The following ANK1 variants were observed in gnomAD, a reference collection of about 807,000 sequenced individuals.
ANK1 encodes ankyrin 1.
In ANK1, 51 loss-of-function variants were observed where a neutral mutation model predicts 210.4. That is an observed-to-expected ratio of 0.24 (90% CI 0.19 to 0.31). The LOEUF (loss-of-function observed/expected upper bound fraction) is 0.31, where lower values mean the gene tolerates loss of function less well. Among genes scored for constraint, ANK1 ranks in the 10% least tolerant of loss-of-function variants. The pLI, the probability that ANK1 is intolerant of heterozygous loss-of-function variation, is 1.00. For missense variants in ANK1, 2,051 were observed against 2,504.4 expected, an observed-to-expected ratio of 0.82 and a Z score of 3.86; for synonymous variants, 967 against 1,025.9, an observed-to-expected ratio of 0.94 and a Z score of 1.10.
intron 2 of ANK1, among the ~76,000 whole-genome samples, chr8:41,738,894 C>T (rs2150681230): frequency 6.6e-6 from 1 of 152,252 alleles, no homozygotes; most frequent in Non-Finnish European, 1.5e-5. Context: ...TTTCTTCCCT[C>T]AAATAACAGG....
rs1816983454 is a variant in ANK1, at chr8:41,878,405, G to A, written c.126+17950C>T. ...GTGGAAGGAACAGGAGTAGCCGGCT[G>A]ACCTGGCCTCACCAGAAACCACATG... On this transcript the variant is annotated intron_variant, in intron 1 of 42. Coordinates refer to the ANK1 transcript ENST00000265709. Among the ~76,000 whole-genome samples, 3 of 152,212 alleles carry A rather than the reference G, an allele frequency of 2.0e-5. No individual in the cohort carries two copies. The South Asian group carries it at 6.2e-4, about 31-fold the overall frequency.
intron 1 of ANK1, among the ~76,000 whole-genome samples, chr8:41,832,932 C>T (rs533967345): frequency 2.6e-5 from 4 of 152,298 alleles, no homozygotes; most frequent in Admixed American, 6.5e-5. Flanking sequence ...CTTCTTGGCT[C>T]ATCTCCTGGG....
At chr8:41,658,798 C>G (rs1040930460) in intron 42 of ANK1, among the ~76,000 whole-genome samples, 4 of 152,142 alleles carry the variant, frequency 2.6e-5, no homozygotes, top group Non-Finnish European at 5.9e-5. Flanking sequence ...GAGGCTGAGG[C>G]AGGAAGATCA....
At chr8:41,666,235 C>T (rs1810514046) in intron 39 of ANK1, among the ~76,000 whole-genome samples, 1 of 143,272 alleles carries the variant, frequency 7.0e-6, no homozygotes, top group Admixed American at 7.1e-5. Context: ...ATGATAATGG[C>T]AAACGCTTGT....
intron 22 of ANK1, chr8:41,700,324 G>C: frequency 7.9e-7 from 1 of 1,265,316 alleles, no homozygotes; most frequent in Non-Finnish European, 1.1e-6. Flanking sequence ...CTTATTAGCT[G>C]TCAGAGGAAG....
At chr8:41,659,714 AC>A (rs1053292294) in intron 42 of ANK1, among the ~76,000 whole-genome samples, 2 of 78,812 alleles carry the variant, frequency 2.5e-5, no homozygotes, top group Non-Finnish European at 5.3e-5. Context: ...CCCCCCTGCC[AC>A]CCTCACACTT....
intron 1 of ANK1, among the ~76,000 whole-genome samples, chr8:41,778,763 T>A (rs1227922203): frequency 6.6e-6 from 1 of 152,194 alleles, no homozygotes; most frequent in Non-Finnish European, 1.5e-5. Flanking sequence ...TCACAAAGAT[T>A]TTATACAAAG....
chr8:41,753,774 G>A (rs74686524), intron 2 of ANK1, among the ~76,000 whole-genome samples: 1 of 151,098 alleles, frequency 6.6e-6, no homozygotes. Context: ...TGTGACTCTC[G>A]CCCCTACCTG....
In ANK1 at chr8:41,702,155, A is replaced by C; in HGVS notation, c.2296-11T>G. 6.2e-7 allele frequency: 1 copy of C among 1,612,296 alleles called. No individual in the cohort carries two copies. The highest frequency in any genetic ancestry group is 8.5e-7 in the Non-Finnish European group (1 of 1,178,520). ...AGGTGTGGTTCCATCCTGGGGAAAG[A>C]GCAGCCCGGGTGCAGTCAGACAGGG... On this transcript the variant is annotated splice_polypyrimidine_tract_variant and intron_variant, in intron 20 of 42. Coordinates refer to ENST00000289734, the MANE Select transcript of ANK1 (RefSeq NM_000037.4).
intron 11 of ANK1, 24 bp from the exon 12 acceptor site, chr8:41,717,726 C>T (rs143949303): frequency 2.4e-4 from 368 of 1,535,278 alleles, no homozygotes; most frequent in African/African-American, 1.0e-3. Context: ...AGGCAGAGTC[C>T]GATAAGTGGG....
chr8:41,684,622 C>A lies in ANK1; in HGVS notation c.4459G>T (p.Gly1487Cys), dbSNP rs565043145. 8 of 1,613,870 alleles carry A rather than the reference C, an allele frequency of 5.0e-6. No individual in the cohort carries two copies. The highest frequency in any genetic ancestry group is 6.8e-6 in the Non-Finnish European group (8 of 1,180,016). The change falls in exon 37 of 43, where the codon GGC becomes TGC. Residue 1487 changes from glycine to cysteine, a missense_variant. This residue lies in a region of ANK1 where 496 missense variants were observed against 533.4 expected (regional missense o/e 0.93). Coordinates refer to ENST00000289734, the MANE Select transcript of ANK1 (RefSeq NM_000037.4). ...GEIVNMLEGS[G>C]RQSRNLKPDR... Reference sequence around the variant, plus strand: ...GGCTTCAAGTTGCGGCTCTGTCGGCCGGAACCCTCCAGCATGTTCACGATC... The same window carrying A: ...GGCTTCAAGTTGCGGCTCTGTCGGCAGGAACCCTCCAGCATGTTCACGATC...
chr8:41,748,205 A>G (rs1442758795), intron 2 of ANK1, among the ~76,000 whole-genome samples: 2 of 152,210 alleles, frequency 1.3e-5, no homozygotes, highest in Non-Finnish European at 2.9e-5. Flanking sequence ...GCTCCAATGA[A>G]ACGTTCTTTC....
At chr8:41,839,902 G>T (rs1360494389) in intron 1 of ANK1, among the ~76,000 whole-genome samples, 1 of 152,084 alleles carries the variant, frequency 6.6e-6, no homozygotes, top group East Asian at 1.9e-4. Flanking sequence ...TATCAACACT[G>T]GTTCATTCAT....
At chr8:41,770,131 A>G (rs572269) in intron 1 of ANK1, among the ~76,000 whole-genome samples, 125,639 of 151,812 alleles carry the variant, frequency 0.83, 52,223 homozygotes, top group East Asian at 0.91. Context: ...ACAGGCATGC[A>G]CCAACATGCC....
At chr8:41,780,564 A>G (rs1845079890) in intron 1 of ANK1, among the ~76,000 whole-genome samples, 4 of 152,074 alleles carry the variant, frequency 2.6e-5, no homozygotes, top group Non-Finnish European at 4.4e-5. Context: ...TCCTTCCTAA[A>G]TGGGCCAATG....
chr8:41,819,201 G>A (rs142618180), intron 1 of ANK1, among the ~76,000 whole-genome samples: 1,557 of 152,180 alleles, frequency 0.01, 10 homozygotes, highest in Middle Eastern at 0.054. Context: ...CTCACCCTCG[G>A]TGTCCACGCT....
intron 21 of ANK1, 112 bp downstream of exon 21, chr8:41,701,940 C>T: frequency 1.7e-6 from 2 of 1,187,416 alleles, no homozygotes; most frequent in Non-Finnish European, 1.2e-6. Context: ...GCGGCGCCTC[C>T]GACCCGCGTC....
intron 1 of ANK1, among the ~76,000 whole-genome samples, chr8:41,848,516 C>T (rs973606252): frequency 1.3e-5 from 2 of 152,216 alleles, no homozygotes; most frequent in African/African-American, 4.8e-5. Flanking sequence ...GATGCCCTTC[C>T]CCAGTGGCCA....
At chr8:41,689,991 T>C (rs1005456313) in intron 33 of ANK1, among the ~76,000 whole-genome samples, 1 of 152,218 alleles carries the variant, frequency 6.6e-6, no homozygotes, top group Non-Finnish European at 1.5e-5. Context: ...ACATTTGTTC[T>C]TCCTGTCCCA....
Sources: allele counts gnomAD v4.1 joint callset (sites outside exome capture counted in the v4.1 genomes callset), GRCh38; gene constraint gnomAD v4.1.1; regional missense constraint gnomAD v4.1.1; transcripts MANE v1.5; gene names NCBI Gene and HGNC (gene_info 2026-07-23, HGNC 2026-07-21).